PPARGC1A: variants seen among roughly 807,000 people sequenced by gnomAD.
PPARGC1A encodes PPARG coactivator 1 alpha.
Under a neutral mutation model 88.7 loss-of-function variants are expected in PPARGC1A, and 25 were observed. The observed-to-expected ratio is 0.28, with a 90% confidence interval of 0.21 to 0.39. The LOEUF is 0.39. PPARGC1A is among the 10% of genes least tolerant of loss of function. The pLI is 1.00. For missense variants in PPARGC1A, 880 were observed against 968.7 expected, an observed-to-expected ratio of 0.91 and a Z score of 1.22; for synonymous variants, 363 against 355.6, an observed-to-expected ratio of 1.02 and a Z score of -0.24.
the PPARGC1A span, among the ~76,000 whole-genome samples, chr4:24,068,517 G>C: frequency 6.6e-6 from 1 of 152,164 alleles, no homozygotes; most frequent in Non-Finnish European, 1.5e-5. Context: ...TATGACTGGA[G>C]CATAGTAGGG....
chr4:24,149,740 C>A, the PPARGC1A span, among the ~76,000 whole-genome samples: 1 of 152,082 alleles, frequency 6.6e-6, no homozygotes, highest in South Asian at 2.1e-4. Context: ...GGAACAAATC[C>A]CGAGCAGCGT....
the PPARGC1A span, among the ~76,000 whole-genome samples, chr4:24,157,157 T>A: frequency 3.9e-5 from 6 of 152,160 alleles, no homozygotes; most frequent in African/African-American, 1.4e-4. Flanking sequence ...TTCACTTTTC[T>A]GTTTCTGAAA....
the PPARGC1A span, among the ~76,000 whole-genome samples, chr4:24,178,203 A>C: frequency 6.6e-5 from 10 of 152,304 alleles, no homozygotes; most frequent in African/African-American, 2.4e-4. Context: ...ACTGTTTGCA[A>C]CTCACTGAGA....
At chr4:23,914,260 A>G in the PPARGC1A span, among the ~76,000 whole-genome samples, 1 of 152,222 alleles carries the variant, frequency 6.6e-6, no homozygotes, top group African/African-American at 2.4e-5. Context: ...TTCTCTTCAT[A>G]CTAGGGAATC....
At chr4:24,308,282 ACT>A in the PPARGC1A span, among the ~76,000 whole-genome samples, 7 of 128,292 alleles carry the variant, frequency 5.5e-5, no homozygotes, top group Non-Finnish European at 1.1e-4. Context: ...ACAGAGTGAG[ACT>A]CTGCCACCGA....
At chr4:24,310,469 G>A in the PPARGC1A span, among the ~76,000 whole-genome samples, 31 of 152,252 alleles carry the variant, frequency 2.0e-4, no homozygotes, top group Non-Finnish European at 3.2e-4. Context: ...TTTATGGTTC[G>A]TAGCTGATTT....
the PPARGC1A span, among the ~76,000 whole-genome samples, chr4:24,273,971 C>T: frequency 6.6e-6 from 1 of 151,752 alleles, no homozygotes. Flanking sequence ...AACTCCTGAC[C>T]TCAGGTGATC....
the PPARGC1A span, among the ~76,000 whole-genome samples, chr4:24,456,748 G>A: frequency 1.3e-5 from 2 of 151,926 alleles, no homozygotes; most frequent in South Asian, 4.2e-4. Flanking sequence ...TTGGAAAAAG[G>A]GAGAGTAGGG....
At chr4:24,446,962 C>T in the PPARGC1A span, among the ~76,000 whole-genome samples, 547 of 152,234 alleles carry the variant, frequency 3.6e-3, 1 homozygote, top group Non-Finnish European at 6.2e-3. Flanking sequence ...TTAAAACCCA[C>T]CCACTGAATC....
chr4:24,010,484 T>C, the PPARGC1A span, among the ~76,000 whole-genome samples: 1 of 152,076 alleles, frequency 6.6e-6, no homozygotes, highest in Non-Finnish European at 1.5e-5. Flanking sequence ...CCGACCATAT[T>C]CCTCTTCTGA....
chr4:23,937,226 T>C, the PPARGC1A span, among the ~76,000 whole-genome samples: 1 of 152,042 alleles, frequency 6.6e-6, no homozygotes, highest in African/African-American at 2.4e-5. Context: ...ACTGCTTTCA[T>C]GGTAGTTTTA....
the PPARGC1A span, among the ~76,000 whole-genome samples, chr4:24,440,940 T>G: frequency 6.6e-6 from 1 of 152,222 alleles, no homozygotes; most frequent in South Asian, 2.1e-4. Context: ...CACTCATCAC[T>G]GATGCAGCAT....
chr4:24,312,236 G>A, the PPARGC1A span, among the ~76,000 whole-genome samples: 1 of 152,158 alleles, frequency 6.6e-6, no homozygotes, highest in Admixed American at 6.5e-5. Context: ...CTGTTTCTGT[G>A]CAGTTTACCT....
intron 12 of PPARGC1A, among the ~76,000 whole-genome samples, chr4:23,798,514 G>A (rs867110503): frequency 2.6e-5 from 4 of 152,110 alleles, no homozygotes; most frequent in Non-Finnish European, 4.4e-5. Flanking sequence ...ATAAAGTTAC[G>A]TGTATAATCA....
the PPARGC1A span, among the ~76,000 whole-genome samples, chr4:24,299,015 TG>T: frequency 6.6e-6 from 1 of 152,120 alleles, no homozygotes; most frequent in East Asian, 1.9e-4. Flanking sequence ...GTGGACTGAG[TG>T]GTAACAAGAA....
the PPARGC1A span, among the ~76,000 whole-genome samples, chr4:24,324,903 C>G: frequency 7.9e-5 from 12 of 152,022 alleles, no homozygotes; most frequent in South Asian, 2.1e-4. Context: ...TCCTCGCCAG[C>G]CCAAGCTAGG....
intron 2 of PPARGC1A, among the ~76,000 whole-genome samples, chr4:23,880,448 A>C (rs532536504): frequency 1.3e-5 from 2 of 152,302 alleles, no homozygotes; most frequent in South Asian, 4.1e-4. Flanking sequence ...TTCTGAGAAA[A>C]TATCTAGAAA....
chr4:24,036,618 T>TTAA, the PPARGC1A span, among the ~76,000 whole-genome samples: 1 of 147,688 alleles, frequency 6.8e-6, no homozygotes, highest in Non-Finnish European at 1.5e-5. Context: ...CTTTTTGTAG[T>TTAA]AAAAAAAAAA....
the PPARGC1A span, among the ~76,000 whole-genome samples, chr4:24,399,050 T>C: frequency 6.6e-6 from 1 of 152,204 alleles, no homozygotes; most frequent in Non-Finnish European, 1.5e-5. Flanking sequence ...TTTTAGGATT[T>C]CAACTTCCCA....
Sources: gnomAD v4.1 joint callset for allele counts (sites outside exome capture counted in the v4.1 genomes callset) on GRCh38, gnomAD v4.1.1 for gene constraint, MANE v1.5 for transcripts, NCBI Gene and HGNC (gene_info 2026-07-23, HGNC 2026-07-21) for gene names.